Variants in MCM3 observed in about 807,000 individuals in gnomAD.
The protein encoded by MCM3 is DNA replication licensing factor MCM3.
A neutral mutation model predicts 91.3 loss-of-function variants in MCM3; 59 were observed. The ratio of observed to expected loss-of-function variants is 0.65; its 90% confidence interval spans 0.52 to 0.80. The LOEUF (loss-of-function observed/expected upper bound fraction) is 0.80. Among genes scored for constraint, MCM3 ranks in the 30% least tolerant of loss-of-function variants. MCM3 has a pLI of 0.00. For synonymous variants in MCM3, 383 were observed against 379.6 expected (o/e 1.01, Z -0.10); for missense variants, 919 against 1,035.4 (o/e 0.89, Z 1.54).
At chr6:52,277,425 T>A in intron 7 of MCM3, 110 bp downstream of exon 7, 1 of 1,241,932 alleles carries the variant, frequency 8.1e-7, no homozygotes, top group Non-Finnish European at 1.1e-6. Flanking sequence ...CTTTTGTCCT[T>A]TGATAGGACT....
rs369083788 is a variant in MCM3, at chr6:52,266,261, T to C, written c.2159-117A>G. 674 of 794,818 alleles carry C rather than the reference T, an allele frequency of 8.5e-4. 11 individuals are homozygous for C. The South Asian group carries it at 8.5e-3, about 10-fold the overall frequency. The allele number at this position is 794,818 out of a possible 1,614,324, so 49.2% of individuals were successfully genotyped here. On this transcript the variant is annotated intron_variant, in intron 15 of 16. Transcript: ENST00000596288. ...TCTCACTCAGCCTGCTGAACACTCCTATTTCCTAGGGTTCTTATGGGGCCA... is the reference window on the plus strand; with the variant it reads ...TCTCACTCAGCCTGCTGAACACTCCCATTTCCTAGGGTTCTTATGGGGCCA...
At chr6:52,266,836 A>C in intron 14 of MCM3, 140 bp from the exon 15 acceptor site, 2 of 699,044 alleles carry the variant, frequency 2.9e-6, no homozygotes, top group Non-Finnish European at 5.1e-6. Context: ...AGGCCTTTGC[A>C]AACTGCTGCT....
At position 52,279,431 on chromosome 6, in the gene MCM3, G is replaced by C; in HGVS notation, c.700C>G (p.Arg234Gly). ...DLVDKAKPGD[R>G]VQVVGTYRCL... ...CGGTAGGTTCCCACCACCTGAACCC[G>C]GTCACCAGGCTTCGCTTTATCCACC... The change falls in exon 5 of 17, where the codon CGG becomes GGG. Residue 234 changes from arginine (R) to glycine (G), a missense_variant. Physicochemically the swap from Arg to Gly is moderately radical, Grantham distance 125. Coordinates refer to ENST00000596288, the MANE Select transcript of MCM3 (RefSeq NM_002388.6). 1.9e-6 allele frequency: 3 copies of C among 1,614,170 alleles called. No homozygotes were observed. Among genetic ancestry groups the C allele is most frequent in the South Asian group, 1.1e-5 (1 of 91,078 alleles).
chr6:52,283,477 T>C (rs1014934002), intron 1 of MCM3, 71 bp from the exon 2 acceptor site: 3 of 1,060,542 alleles, frequency 2.8e-6, no homozygotes, highest in Non-Finnish European at 4.4e-6. Context: ...GAAGTAGTTC[T>C]CATAGCCAGA....
At chr6:52,283,676 TTC>T (rs764010053) in intron 1 of MCM3, among the ~76,000 whole-genome samples, 14 of 152,232 alleles carry the variant, frequency 9.2e-5, no homozygotes, top group Non-Finnish European at 1.3e-4. Context: ...ATGCTGTAAT[TTC>T]TGTCTTTAGT....
intron 7 of MCM3, 119 bp from the exon 8 acceptor site, chr6:52,277,317 T>C: frequency 8.7e-7 from 1 of 1,151,842 alleles, no homozygotes; most frequent in Non-Finnish European, 1.2e-6. Flanking sequence ...TTTTAATATT[T>C]TTCCTTCGCT....
intron 12 of MCM3, among the ~76,000 whole-genome samples, chr6:52,270,987 C>T (rs1765087374): frequency 6.6e-6 from 1 of 152,230 alleles, no homozygotes; most frequent in African/African-American, 2.4e-5. Flanking sequence ...CCGAGATGGG[C>T]GGATCACGAG....
At position 52,282,864 on chromosome 6, in the gene MCM3, G is replaced by GT; in HGVS notation, c.192-4dup. 6.2e-7 allele frequency: 1 copy of GT among 1,612,626 alleles called. No homozygotes were observed. The highest frequency in any genetic ancestry group is 8.5e-7 in the Non-Finnish European group (1 of 1,179,158). On this transcript the variant is annotated splice_polypyrimidine_tract_variant and splice_region_variant and intron_variant, in intron 2 of 16. Transcript: ENST00000596288. ...CCTCAAAGGCATTGTTCAGAAGCCT[G>GT]TACATAAGCAAGAGAAAGAAAAATT...
chr6:52,272,267 G>A, intron 12 of MCM3, 34 bp downstream of exon 12: 5 of 1,606,196 alleles, frequency 3.1e-6, no homozygotes, highest in Non-Finnish European at 4.3e-6. Context: ...ATATACCTAA[G>A]GGACCCCAAG....
rs1431277023 is a variant in MCM3 at position 52,272,359 on chromosome 6, A to G, written c.1769T>C (p.Ile590Thr). The change falls in exon 12 of 17, where the codon ATT becomes ACT. Residue 590 changes from isoleucine to threonine, a missense_variant. By Grantham distance (89) the Ile-to-Thr change is moderately conservative (BLOSUM62 -1). Around this residue, in one of 3 missense-constraint regions of MCM3, gnomAD observed 285 missense variants for 311.4 expected, o/e 0.92. Transcript: ENST00000596288. ...PVLTQESATY[I>T]AEEYSRLRSQ... ...GCGCAGGCGTGAATACTCTTCTGCA[A>G]TGTAGGTGGCCGACTCCTGTGTCAG... 2.5e-6 allele frequency: 4 copies of G among 1,614,204 alleles called. No homozygotes were observed. Among genetic ancestry groups the G allele is most frequent in the East Asian group, 4.5e-5 (2 of 44,884 alleles).
At chr6:52,276,209 A>G in intron 9 of MCM3, 59 bp downstream of exon 9, 2 of 1,482,806 alleles carry the variant, frequency 1.3e-6, no homozygotes, top group Non-Finnish European at 1.8e-6. Flanking sequence ...TTCTCAGCCC[A>G]GTTAGTCAGC....
At chr6:52,277,745 C>A in intron 6 of MCM3, 57 bp from the exon 7 acceptor site, 1 of 1,536,148 alleles carries the variant, frequency 6.5e-7, no homozygotes, top group Non-Finnish European at 8.9e-7. Context: ...CTTTGTGGAG[C>A]TCCACTTTAT....
chr6:52,266,246 C>G (rs1437540920), intron 15 of MCM3, 102 bp from the exon 16 acceptor site: 1 of 876,948 alleles, frequency 1.1e-6, no homozygotes, highest in African/African-American at 1.6e-5. Context: ...TCTCACTCAG[C>G]CTGCTGAACA....
At position 52,273,658 on chromosome 6, in the gene MCM3, T is replaced by C; in HGVS notation, c.1549+84A>G. 3 of 1,411,094 alleles carry C rather than the reference T, an allele frequency of 2.1e-6. No homozygotes were observed. The South Asian group carries it at 4.0e-5, about 19-fold the overall frequency. The allele number at this position is 1,411,094 out of a possible 1,614,324, so 87.4% of individuals were successfully genotyped here. On this transcript the variant is annotated intron_variant, in intron 10 of 16. Coordinates refer to ENST00000596288, the MANE Select transcript of MCM3 (RefSeq NM_002388.6). ...ACATCAACCCGGACACTGAAACACC[T>C]ACCACCACCTGGGTTGGGCCTGAGA...
chr6:52,266,815 G>T, intron 14 of MCM3, 119 bp from the exon 15 acceptor site: 1 of 801,926 alleles, frequency 1.2e-6, no homozygotes, highest in Non-Finnish European at 2.2e-6. Flanking sequence ...TCAAAGTGAA[G>T]CACTAGGCTT....
rs1765348498 is a variant in MCM3, at chr6:52,273,898, G to T, written c.1393C>A (p.Pro465Thr). Residue 465 changes from proline (P) to threonine (T), a missense_variant, in exon 10 of 17, where the codon CCA (proline) becomes ACA (threonine). Around this residue, in one of 3 missense-constraint regions of MCM3, gnomAD observed 233 missense variants for 321.2 expected, o/e 0.73. Coordinates refer to ENST00000596288, the MANE Select transcript of MCM3 (RefSeq NM_002388.6). ...TCCTGTAGCCCAATGTTCTCCATTGGAGTCTTATACTGGTCATACTGGGGA... is the reference window on the plus strand; with the variant it reads ...TCCTGTAGCCCAATGTTCTCCATTGTAGTCTTATACTGGTCATACTGGGGA... ...VYGRYDQYKT[P>T]MENIGLQDSL... is the part of the protein sequence containing the mutation. 1 of 1,613,782 alleles carries T rather than the reference G, an allele frequency of 6.2e-7. No homozygotes were observed. Among genetic ancestry groups the T allele is most frequent in the Non-Finnish European group, 8.5e-7 (1 of 1,179,818 alleles).
chr6:52,276,614 T>C (rs957452684), intron 8 of MCM3, 138 bp from the exon 9 acceptor site: 2 of 709,046 alleles, frequency 2.8e-6, no homozygotes, highest in Non-Finnish European at 4.6e-6. Flanking sequence ...CCGAGAAACT[T>C]AGAGGAAACC....
In MCM3 at chr6:52,266,606, C is replaced by T. The variant is rs1764662368; in HGVS notation, c.2158+5G>A. ...CCTCTTTCATCAGTAAGTGGGCTCA[C>T]TCACCTTGAGGCATTTCCTCCTCTG... is the stretch of plus-strand genomic sequence containing the variant. On this transcript the variant is annotated splice_donor_5th_base_variant and intron_variant, in intron 15 of 16. Coordinates refer to ENST00000596288, the MANE Select transcript of MCM3 (RefSeq NM_002388.6). 3.7e-6 allele frequency: 6 copies of T among 1,613,444 alleles called. No individual in the cohort carries two copies. Among genetic ancestry groups the T allele is most frequent in the Admixed American group, 1.7e-5 (1 of 60,002 alleles).
At chr6:52,267,156 T>G (rs927606494) in intron 14 of MCM3, among the ~76,000 whole-genome samples, 2 of 140,554 alleles carry the variant, frequency 1.4e-5, no homozygotes, top group African/African-American at 5.2e-5. Context: ...TGGAGTGCAG[T>G]GGTGTGATCT....
Sources: gnomAD v4.1 joint callset for allele counts (sites outside exome capture counted in the v4.1 genomes callset) on GRCh38, gnomAD v4.1.1 for gene constraint, gnomAD v4.1.1 regional missense constraint, MANE v1.5 for transcripts, NCBI Gene and HGNC (gene_info 2026-07-23, HGNC 2026-07-21) for gene names.